Variants in CR1 observed in about 807,000 individuals in gnomAD.
CR1 encodes the protein complement C3b/C4b receptor 1 (Knops blood group).
A neutral mutation model predicts 187.3 loss-of-function variants in CR1; 116 were observed. The ratio of observed to expected loss-of-function variants is 0.62; its 90% CI spans 0.53 to 0.72. The LOEUF (loss-of-function observed/expected upper bound fraction) is 0.72. CR1 is among the 30% of genes least tolerant of loss of function. The pLI is 0.00. For missense variants in CR1, 1,731 were observed against 2,110.7 expected, an observed-to-expected ratio of 0.82 and a Z score of 3.52; for synonymous variants, 576 against 747.1, an observed-to-expected ratio of 0.77 and a Z score of 3.73.
chr1:207,614,433 A>G lies in CR1; in HGVS notation c.6605A>G (p.His2202Arg), dbSNP rs550889066. Residue 2202 changes from histidine (H) to arginine (R), a missense_variant, in exon 40 of 47, where the codon CAT becomes CGT. His to Arg is a conservative substitution (Grantham distance 29). Around this residue, in one of 5 missense-constraint regions of CR1, gnomAD observed 1,312 missense variants for 1,379.6 expected, o/e 0.95. Transcript: ENST00000367049. ...GFRLKGRSAS[H>R]CVLAGMKALW... ...CGATTAAAAGGCAGGTCTGCTAGTC[A>G]TTGTGTCTTGGCTGGAATGAAAGCC... The G allele has an allele frequency of 2.7e-5, 44 of 1,611,248 alleles. No individual in the cohort carries two copies. In the South Asian group the frequency reaches 3.6e-4, roughly 13 times the overall value.
At chr1:207,631,601 C>A (rs1402015157) in intron 46 of CR1, among the ~76,000 whole-genome samples, 1 of 152,230 alleles carries the variant, frequency 6.6e-6, no homozygotes, top group Non-Finnish European at 1.5e-5. Context: ...GGATACTCCT[C>A]TCTTTTGTTC....
chr1:207,619,876 T>A lies in CR1; in HGVS notation c.7067-4T>A. 6.4e-7 allele frequency: 1 copy of A among 1,570,432 alleles called. No homozygotes were observed. Among genetic ancestry groups the A allele is most frequent in the Non-Finnish European group, 8.6e-7 (1 of 1,157,950 alleles). On this transcript the variant is annotated splice_polypyrimidine_tract_variant and splice_region_variant and intron_variant, in intron 42 of 46. Transcript: ENST00000367049. Reference sequence around the variant, plus strand: ...CAATTTCTTTCTGATTTGTCTAATTTCAGAAGTAAATTGTAGCTTCCCACT... The same window carrying A: ...CAATTTCTTTCTGATTTGTCTAATTACAGAAGTAAATTGTAGCTTCCCACT...
In CR1 at chr1:207,496,309, G is replaced by A. The variant is rs1659077890; in HGVS notation, c.42G>A (p.Pro14=). Residue 14 remains proline (P), a synonymous_variant, in exon 1 of 47, where the codon CCG becomes CCA. Coordinates refer to ENST00000367049, the MANE Select transcript of CR1 (RefSeq NM_000651.6). ...CAAGAAGCCCGGAGCCTGTCGGGCC[G>A]CCGGCGCCCGGTCTCCCCTTCTGCT... The part of the protein sequence containing the change: ...SSPRSPEPVG[P]PAPGLPFCCG... 9.9e-6 allele frequency: 16 copies of A among 1,613,652 alleles called. No homozygotes were observed. Among genetic ancestry groups the A allele is most frequent in the Non-Finnish European group, 1.2e-5 (14 of 1,179,836 alleles).
intron 29 of CR1, among the ~76,000 whole-genome samples, chr1:207,579,910 T>C (rs773608794): frequency 2.4e-4 from 37 of 152,142 alleles, no homozygotes; most frequent in Non-Finnish European, 4.7e-4. Flanking sequence ...CTTTAGTCAT[T>C]GGTGTGCAAT....
chr1:207,521,661 C>G (rs1659998734), intron 4 of CR1, among the ~76,000 whole-genome samples: 1 of 93,076 alleles, frequency 1.1e-5, no homozygotes, highest in South Asian at 3.6e-4. Flanking sequence ...GAGACAGGGT[C>G]TCACTTTGTT....
rs2274567 is a variant in CR1 at position 207,580,276 on chromosome 1, A to G, written c.4973A>G (p.His1658Arg). 0.2 allele frequency: 323,332 copies of G among 1,613,500 alleles called. 36,447 individuals are homozygous for G. Among genetic ancestry groups the G allele is most frequent in the South Asian group, 0.42 (38,312 of 91,052 alleles). Residue 1658 changes from histidine (H) to arginine (R), a missense_variant, in exon 30 of 47, where the codon CAT becomes CGT. His to Arg is a conservative substitution (Grantham distance 29). Transcript: ENST00000367049. Reference protein sequence around the residue: ...QPPPEILHGEHTPSHQDNFSP... With the variant: ...QPPPEILHGERTPSHQDNFSP... ...CCTCCAGAAATCCTGCATGGTGAGC[A>G]TACCCCAAGCCATCAGGACAACTTT...
intron 35 of CR1, among the ~76,000 whole-genome samples, chr1:207,597,159 C>T (rs1661472226): frequency 6.7e-6 from 1 of 150,338 alleles, no homozygotes; most frequent in Non-Finnish European, 1.5e-5. Context: ...CTCCATTTAG[C>T]AGAGCAAGAA....
Position 207,511,642 on chromosome 1 carries a change from CCTATTTG to C in CR1, c.476_482del (p.Pro159LeufsTer31). ...TACTGTCATTTGGGATAATGAAACA[CCTATTTG>C]TGACAGTGAGTTGAAATATCCCTTC... On this transcript the variant is annotated frameshift_variant, in exon 4 of 47. Coordinates refer to ENST00000367049, the MANE Select transcript of CR1 (RefSeq NM_000651.6). LOFTEE classifies it high-confidence loss of function. The C allele has an allele frequency of 6.2e-7, 1 of 1,612,628 alleles. No homozygotes were observed. Among genetic ancestry groups the C allele is most frequent in the Non-Finnish European group, 8.5e-7 (1 of 1,178,950 alleles).
Position 207,524,028 on chromosome 1 carries a change from T to G in CR1, c.886+19T>G. On this transcript the variant is annotated intron_variant, in intron 5 of 46. Coordinates refer to ENST00000367049, the MANE Select transcript of CR1 (RefSeq NM_000651.6). ...TCCAGGGGTGAGTCTGACTGAGGCCTAGAAGGGCCCTGCCAGTGACATGCG... is the reference window on the plus strand; with the variant it reads ...TCCAGGGGTGAGTCTGACTGAGGCCGAGAAGGGCCCTGCCAGTGACATGCG... 6.2e-7 allele frequency: 1 copy of G among 1,611,722 alleles called. No individual in the cohort carries two copies. Among genetic ancestry groups the G allele is most frequent in the Non-Finnish European group, 8.5e-7 (1 of 1,179,714 alleles).
At chr1:207,623,911 CTTTTTT>C (rs71154830) in intron 45 of CR1, among the ~76,000 whole-genome samples, 1,258 of 52,446 alleles carry the variant, frequency 0.024, 32 homozygotes, top group African/African-American at 0.078. Flanking sequence ...ACACCATTAA[CTTTTTT>C]TTTTTTTTTT....
At chr1:207,626,005 T>A (rs1161874766) in intron 45 of CR1, among the ~76,000 whole-genome samples, 1 of 152,242 alleles carries the variant, frequency 6.6e-6, no homozygotes, top group Admixed American at 6.5e-5. Flanking sequence ...TTTCATTAGG[T>A]TTCAGGTCCT....
chr1:207,567,919 T>G lies in CR1; in HGVS notation c.4048T>G (p.Cys1350Gly), dbSNP rs775295497. The change falls in exon 25 of 47, where the codon TGC (cysteine) becomes GGC (glycine). Residue 1350 changes from cysteine to glycine, a missense_variant. By Grantham distance (159) the Cys-to-Gly change is radical. Around this residue, in one of 5 missense-constraint regions of CR1, gnomAD observed 1,312 missense variants for 1,379.6 expected, o/e 0.95. Coordinates refer to ENST00000367049, the MANE Select transcript of CR1 (RefSeq NM_000651.6). ...FPFGKAVNYT[C>G]DPHPDRGTSF... ...CTTTGGAAAAGCAGTAAATTACACA[T>G]GCGACCCCCACCCAGACAGAGGGAC... 4 of 1,610,674 alleles carry G rather than the reference T, an allele frequency of 2.5e-6. No individual in the cohort carries two copies. The highest frequency in any genetic ancestry group is 2.5e-6 in the Non-Finnish European group (3 of 1,179,628).
At position 207,585,709 on chromosome 1, in the gene CR1, C is replaced by A. The variant is rs190467430; in HGVS notation, c.5530+833C>A. On this transcript the variant is annotated intron_variant, in intron 33 of 46. Coordinates refer to ENST00000367049, the MANE Select transcript of CR1 (RefSeq NM_000651.6). ...TTAACCTTTCTTTGACCTTTACTCT[C>A]CAACTGAGTGGTACCCATCAGAATG... Among the ~76,000 whole-genome samples, 322 of 152,304 alleles carry A rather than the reference C, an allele frequency of 2.1e-3. 3 individuals carry two copies. Among genetic ancestry groups the A allele is most frequent in the African/African-American group, 7.2e-3 (299 of 41,554 alleles).
intron 32 of CR1, among the ~76,000 whole-genome samples, chr1:207,582,837 G>A (rs938974112): frequency 1.3e-5 from 2 of 152,210 alleles, no homozygotes; most frequent in African/African-American, 4.8e-5. Context: ...TTTGGCCAGA[G>A]CAACCGCCAG....
At chr1:207,610,324 A>C (rs1661884194) in intron 37 of CR1, among the ~76,000 whole-genome samples, 1 of 151,614 alleles carries the variant, frequency 6.6e-6, no homozygotes, top group African/African-American at 2.4e-5. Flanking sequence ...AGGTTTTTTG[A>C]TTGTTTGTTT....
intron 35 of CR1, among the ~76,000 whole-genome samples, chr1:207,594,066 C>T (rs1661356269): frequency 6.6e-6 from 1 of 152,082 alleles, no homozygotes; most frequent in African/African-American, 2.4e-5. Context: ...GGATCTAGAA[C>T]CAGAAATACC....
At chr1:207,591,265 T>C (rs917791851) in intron 35 of CR1, among the ~76,000 whole-genome samples, 1 of 152,162 alleles carries the variant, frequency 6.6e-6, no homozygotes, top group African/African-American at 2.4e-5. Flanking sequence ...CAGACCACAG[T>C]ACAATCAAAT....
chr1:207,619,819 G>A (rs770011817), intron 42 of CR1, 61 bp from the exon 43 acceptor site: 9 of 1,445,446 alleles, frequency 6.2e-6, no homozygotes, highest in South Asian at 2.6e-5. Context: ...TCCTATTCTC[G>A]CAGTTAAAAC....
chr1:207,587,098 C>T (rs548473894), intron 33 of CR1, among the ~76,000 whole-genome samples: 27 of 152,142 alleles, frequency 1.8e-4, no homozygotes, highest in Non-Finnish European at 2.1e-4. Flanking sequence ...ATAGGCACTC[C>T]GATAGGAGGT....
Sources: allele counts gnomAD v4.1 joint callset (sites outside exome capture counted in the v4.1 genomes callset), GRCh38; gene constraint gnomAD v4.1.1; regional missense constraint gnomAD v4.1.1; transcripts MANE v1.5; gene names NCBI Gene and HGNC (gene_info 2026-07-23, HGNC 2026-07-21).